CSRNP3: variants seen among roughly 807,000 people sequenced by gnomAD.
CSRNP3 encodes the protein cysteine/serine-rich nuclear protein 3.
A neutral mutation model predicts 48.0 loss-of-function variants in CSRNP3; 12 were observed. That is an observed-to-expected ratio of 0.25 (90% CI 0.16 to 0.41). The LOEUF is 0.41. Ranked by LOEUF, CSRNP3 falls within the 10% of genes least tolerant of loss-of-function variation. The probability of loss-of-function intolerance (pLI) is 1.00; values close to 1 mark genes in which losing one functional copy is unlikely to be tolerated. For missense variants in CSRNP3, 580 were observed against 724.4 expected (o/e 0.80, Z 2.29); for synonymous variants, 263 against 269.7 (o/e 0.98, Z 0.24).
intron 3 of CSRNP3, among the ~76,000 whole-genome samples, chr2:165,564,632 A>G (rs1273284633): frequency 1.3e-5 from 2 of 151,928 alleles, no homozygotes; most frequent in Non-Finnish European, 2.9e-5. Context: ...ATTAGGTGTC[A>G]TCGTATTTGT....
At chr2:165,599,279 GAGAGAGAAAGAA>G (rs1553478312) in intron 4 of CSRNP3, among the ~76,000 whole-genome samples, 2,033 of 73,164 alleles carry the variant, frequency 0.028, 27 homozygotes, top group South Asian at 0.089. Context: ...AAGAAAGAGA[GAGAGAGAAAGAA>G]AGAAAGAAAG....
intron 3 of CSRNP3, among the ~76,000 whole-genome samples, chr2:165,582,457 A>G (rs542270359): frequency 4.6e-5 from 7 of 152,290 alleles, no homozygotes; most frequent in African/African-American, 1.2e-4. Context: ...TTTGAGTAGT[A>G]TGTGGCAGCC....
At chr2:165,547,253 A>G (rs1185437563) in intron 3 of CSRNP3, among the ~76,000 whole-genome samples, 2 of 152,212 alleles carry the variant, frequency 1.3e-5, no homozygotes, top group Admixed American at 1.3e-4. Context: ...CAAATTTTCA[A>G]TATCACAAAG....
intron 4 of CSRNP3, among the ~76,000 whole-genome samples, chr2:165,652,990 T>C (rs1686939720): frequency 6.6e-6 from 1 of 152,178 alleles, no homozygotes; most frequent in South Asian, 2.1e-4. Flanking sequence ...AGGGCACAAA[T>C]TACTAGGTAG....
At chr2:165,557,185 C>T (rs1470431421) in intron 3 of CSRNP3, among the ~76,000 whole-genome samples, 2 of 152,080 alleles carry the variant, frequency 1.3e-5, no homozygotes. Context: ...CACTTCATGA[C>T]ACATTAAAAT....
At chr2:165,492,724 T>TAAAAAAAAAAAAAAAAAAAAAA in intron 1 of CSRNP3, among the ~76,000 whole-genome samples, 1 of 110,182 alleles carries the variant, frequency 9.1e-6, no homozygotes, top group Non-Finnish European at 1.8e-5. Context: ...ACTATTAGAG[T>TAAAAAAAAAAAAAAAAAAAAAA]AAAAAAAAAA....
At chr2:165,609,025 T>C (rs1686082846) in intron 4 of CSRNP3, among the ~76,000 whole-genome samples, 1 of 144,542 alleles carries the variant, frequency 6.9e-6, no homozygotes, top group Non-Finnish European at 1.5e-5. Flanking sequence ...GAGAATGGCG[T>C]GAACCTGGAA....
chr2:165,549,713 C>T (rs1013047368), intron 3 of CSRNP3, among the ~76,000 whole-genome samples: 4 of 152,048 alleles, frequency 2.6e-5, no homozygotes, highest in African/African-American at 9.7e-5. Context: ...GAGATAAAGA[C>T]CATATTTTTT....
In CSRNP3 at chr2:165,665,424, A is replaced by G. The variant is rs1419862965; in HGVS notation, c.408+7404A>G. On this transcript the variant is annotated intron_variant, in intron 5 of 6. Transcript: ENST00000651982. ...TAAGAAATTCTGTCAGAGTGAAAGA[A>G]TGGGAAATTCTCAGAACTATATTCT... Among the ~76,000 whole-genome samples the G allele has an allele frequency of 5.3e-5, 8 of 152,158 alleles. No homozygotes were observed. In the East Asian group the frequency reaches 1.3e-3, roughly 26 times the overall value.
In CSRNP3 at chr2:165,661,833, C is replaced by A. The variant is rs1290628999; in HGVS notation, c.408+3813C>A. On this transcript the variant is annotated intron_variant, in intron 5 of 6. Coordinates refer to ENST00000651982, the MANE Select transcript of CSRNP3 (RefSeq NM_001172173.2). ...CAGCATCTGACAAGAGAGACAGTTT[C>A]CAAACCCATCATTATGGAGACATGT... is the stretch of plus-strand genomic sequence containing the variant. Among the ~76,000 whole-genome samples, 3 of 152,150 alleles carry A rather than the reference C, an allele frequency of 2.0e-5. No homozygotes were observed. In the East Asian group the frequency reaches 5.8e-4, roughly 29 times the overall value.
At chr2:165,535,460 A>C (rs1024947764) in intron 3 of CSRNP3, among the ~76,000 whole-genome samples, 1 of 151,850 alleles carries the variant, frequency 6.6e-6, no homozygotes, top group Non-Finnish European at 1.5e-5. Flanking sequence ...GGTTACAAAT[A>C]AGCTTGGCAA....
chr2:165,540,671 TCC>T (rs200314517), intron 3 of CSRNP3, among the ~76,000 whole-genome samples: 2 of 142,318 alleles, frequency 1.4e-5, no homozygotes, highest in Non-Finnish European at 3.1e-5. Flanking sequence ...TTCTTTTTTT[TCC>T]CCAGGAATCC....
chr2:165,535,489 T>G (rs1684870410), intron 3 of CSRNP3, among the ~76,000 whole-genome samples: 2 of 151,846 alleles, frequency 1.3e-5, no homozygotes. Flanking sequence ...TGCCCTTTCC[T>G]TGTAGACCAT....
intron 3 of CSRNP3, among the ~76,000 whole-genome samples, chr2:165,529,819 T>G (rs1030540418): frequency 1.3e-5 from 2 of 152,212 alleles, no homozygotes; most frequent in African/African-American, 4.8e-5. Flanking sequence ...AATTAAAATT[T>G]TAGCAAACTC....
chr2:165,534,890 A>T (rs186848002), intron 3 of CSRNP3, among the ~76,000 whole-genome samples: 1 of 151,858 alleles, frequency 6.6e-6, no homozygotes, highest in African/African-American at 2.4e-5. Context: ...TTCTAAACCT[A>T]TATTTCTGTA....
At chr2:165,510,237 T>C (rs914353965) in intron 2 of CSRNP3, among the ~76,000 whole-genome samples, 11 of 152,160 alleles carry the variant, frequency 7.2e-5, no homozygotes, top group Non-Finnish European at 1.5e-4. Flanking sequence ...TCGATGGTGG[T>C]GATCAAGCTT....
chr2:165,657,280 A>G (rs996513924), intron 4 of CSRNP3, among the ~76,000 whole-genome samples: 4 of 152,172 alleles, frequency 2.6e-5, no homozygotes, highest in African/African-American at 9.7e-5. Context: ...ATGTTCATAT[A>G]TTATTATAAT....
chr2:165,575,751 T>C (rs993993579), intron 3 of CSRNP3, among the ~76,000 whole-genome samples: 1 of 151,974 alleles, frequency 6.6e-6, no homozygotes, highest in Non-Finnish European at 1.5e-5. Flanking sequence ...TTTCAAATAT[T>C]TATGAAATTC....
intron 4 of CSRNP3, among the ~76,000 whole-genome samples, chr2:165,606,739 C>T (rs1393495070): frequency 1.3e-5 from 2 of 152,004 alleles, no homozygotes; most frequent in East Asian, 1.9e-4. Context: ...ATTGAATAGC[C>T]GGATGTACAT....
Sources: allele counts gnomAD v4.1 joint callset (sites outside exome capture counted in the v4.1 genomes callset), GRCh38; gene constraint gnomAD v4.1.1; transcripts MANE v1.5; gene names NCBI Gene and HGNC (gene_info 2026-07-23, HGNC 2026-07-21).